The following TRIM27 variants were observed in gnomAD, a reference collection of about 807,000 sequenced individuals.
The protein encoded by TRIM27 is zinc finger protein RFP.
In TRIM27, 12 loss-of-function variants were observed where a neutral mutation model predicts 57.6. The observed-to-expected ratio is 0.21, with a 90% CI of 0.13 to 0.34. TRIM27 has a LOEUF of 0.34. TRIM27 is among the 10% of genes least tolerant of loss of function. The probability of loss-of-function intolerance (pLI) is 1.00; values close to 1 mark genes in which losing one functional copy is unlikely to be tolerated. For synonymous variants in TRIM27, 266 were observed against 259.0 expected, an observed-to-expected ratio of 1.03 and a Z score of -0.26; for missense variants, 403 against 656.8, an observed-to-expected ratio of 0.61 and a Z score of 4.22.
chr6:28,907,639 C>T, intron 6 of TRIM27: 1 of 538,960 alleles, frequency 1.9e-6, no homozygotes, highest in Non-Finnish European at 3.7e-6. Flanking sequence ...TGTACAAGAG[C>T]TGAATGGCTC....
Position 28,911,672 on chromosome 6 carries a change from C to T in TRIM27, c.770+24G>A, listed in dbSNP as rs748823949. On this transcript the variant is annotated intron_variant, in intron 4 of 7. Transcript: ENST00000377199. ...GACAGTCTTCTCATATTTGATTTAA[C>T]ACTAGGGAAACAGAAAACTATACCT... The T allele has an allele frequency of 2.5e-6, 4 of 1,608,940 alleles. No homozygotes were observed. The East Asian group carries it at 6.7e-5, about 27-fold the overall frequency.
At position 28,903,118 on chromosome 6, in the gene TRIM27, G is replaced by A. The variant is rs1772508644; in HGVS notation, c.*952C>T. 4.3e-6 allele frequency: 1 copy of A among 231,452 alleles called. No individual in the cohort carries two copies. Among genetic ancestry groups the A allele is most frequent in the African/African-American group, 2.2e-5 (1 of 45,206 alleles). 14.3% of individuals were successfully genotyped at this position (231,452 alleles called of 1,614,324 possible). Reference sequence around the variant, plus strand: ...GATCTGCCCCAGCCTTCTGACTTCAGAGTGTCTCATGATCCAATGGCCATG... The same window carrying A: ...GATCTGCCCCAGCCTTCTGACTTCAAAGTGTCTCATGATCCAATGGCCATG... On this transcript the variant is annotated 3_prime_UTR_variant, in exon 8 of 8. Transcript: ENST00000377199.
rs1554184214 is a variant in TRIM27, at chr6:28,913,269, A to ATATATATATAT, written c.748-1552_748-1551insATATATATATA. Among the ~76,000 whole-genome samples, 4 of 135,566 alleles carry ATATATATATAT rather than the reference A, an allele frequency of 3.0e-5. No individual in the cohort carries two copies. The East Asian group carries it at 6.2e-4, about 21-fold the overall frequency. 88.9% of individuals were successfully genotyped at this position (135,566 alleles called of 152,430 possible). A position where few individuals can be genotyped will look rare whatever the true frequency, so the allele number is the denominator to read the frequency against. On this transcript the variant is annotated intron_variant, in intron 3 of 7. Coordinates refer to ENST00000377199, the MANE Select transcript of TRIM27 (RefSeq NM_006510.5). ...AAACTCCATCTCAAAAAAAAAAAAA[A>ATATATATATAT]ATATATATATATATATATAATATAC...
In TRIM27 at chr6:28,923,961, T is replaced by A. The variant is rs1774284010; in HGVS notation, c.-329A>T. ...AAGCGCGCAAGACAACGTGGCCGCG[T>A]CCGAGCGGATGCCGGCGGCAGCGTA... On this transcript the variant is annotated 5_prime_UTR_variant, in exon 1 of 8. Coordinates refer to ENST00000377199, the MANE Select transcript of TRIM27 (RefSeq NM_006510.5). 5.7e-6 allele frequency: 2 copies of A among 349,742 alleles called. No individual in the cohort carries two copies. The highest frequency in any genetic ancestry group is 1.0e-5 in the Non-Finnish European group (2 of 194,924). The allele number at this position is 349,742 out of a possible 1,614,324, so 21.7% of individuals were successfully genotyped here.
intron 3 of TRIM27, among the ~76,000 whole-genome samples, chr6:28,912,974 G>GGCCAGGCGCAGTGGCTCACGCCTGTAA (rs1773318356): frequency 6.6e-6 from 1 of 151,892 alleles, no homozygotes; most frequent in African/African-American, 2.4e-5. Context: ...CTATAAAATA[G>GGCCAGGCGCAGTGGCTCACGCCTGTAA]GCCAGGCGCA....
At chr6:28,917,306 G>A (rs866285873) in intron 3 of TRIM27, among the ~76,000 whole-genome samples, 4 of 152,164 alleles carry the variant, frequency 2.6e-5, no homozygotes, top group East Asian at 3.9e-4. Flanking sequence ...GGCTGGGCAC[G>A]GTGGCTCGCA....
In TRIM27 at chr6:28,914,023, GT is replaced by G. The variant is rs796375490; in HGVS notation, c.748-2306del. On this transcript the variant is annotated intron_variant, in intron 3 of 7. Transcript: ENST00000377199. Reference sequence around the variant, plus strand: ...TTCTTTCACAGTGTAGCCTACCTATGTTTTTTTTTTTTTTTTAAGACAGAGT... The same window carrying G: ...TTCTTTCACAGTGTAGCCTACCTATGTTTTTTTTTTTTTTTAAGACAGAGT... Among the ~76,000 whole-genome samples the G allele has an allele frequency of 3.5e-3, 385 of 110,476 alleles. 1 individual carries two copies. The highest frequency in any genetic ancestry group is 6.7e-3 in the African/African-American group (194 of 28,910). 72.5% of individuals were successfully genotyped at this position (110,476 alleles called of 152,430 possible).
intron 3 of TRIM27, among the ~76,000 whole-genome samples, chr6:28,917,626 T>C (rs1413556587): frequency 6.6e-6 from 1 of 150,892 alleles, no homozygotes; most frequent in Non-Finnish European, 1.5e-5. Flanking sequence ...ATGGTTACAC[T>C]ATAAATAGAT....
Position 28,922,007 on chromosome 6 carries a change from T to A in TRIM27, c.421-20A>T. The A allele has an allele frequency of 6.3e-7, 1 of 1,584,270 alleles. No homozygotes were observed. Among genetic ancestry groups the A allele is most frequent in the Non-Finnish European group, 8.7e-7 (1 of 1,153,794 alleles). The stretch of plus-strand genomic sequence containing the variant: ...TTGCTCCTGAGAAAAGCAAAACAGA[T>A]GGGCAGTTCAAAATTAGGTAGACCT... On this transcript the variant is annotated intron_variant, in intron 1 of 7. Coordinates refer to ENST00000377199, the MANE Select transcript of TRIM27 (RefSeq NM_006510.5).
chr6:28,922,176 G>A lies in TRIM27; in HGVS notation c.421-189C>T, dbSNP rs747727819. On this transcript the variant is annotated intron_variant, in intron 1 of 7. Transcript: ENST00000377199. ...AAACAAGCCACTCCTTTGGCAATCT[G>A]TGTCTATCTTAGCAGCCTGTGGCTT... Among the ~76,000 whole-genome samples the A allele has an allele frequency of 1.8e-4, 28 of 152,298 alleles. 1 individual carries two copies. The Middle Eastern group carries it at 0.01, about 56-fold the overall frequency.
At chr6:28,914,250 T>G (rs1274508260) in intron 3 of TRIM27, among the ~76,000 whole-genome samples, 4 of 150,846 alleles carry the variant, frequency 2.7e-5, no homozygotes, top group African/African-American at 9.8e-5. Context: ...TTCTCCTGCC[T>G]CAGCCTCCCA....
At position 28,923,276 on chromosome 6, in the gene TRIM27, G is replaced by A. The variant is rs1324102111; in HGVS notation, c.357C>T (p.Asp119=). 2 of 1,610,798 alleles carry A rather than the reference G, an allele frequency of 1.2e-6. No individual in the cohort carries two copies. The highest frequency in any genetic ancestry group is 1.7e-6 in the Non-Finnish European group (2 of 1,179,126). ...TGTGGCCGCGGTGCTCGCGGGAGCG[G>A]TCGCACACCACGCAGATGGGCATCT... is the stretch of plus-strand genomic sequence containing the variant. ...EDQMPICVVC[D]RSREHRGHSV... Residue 119 remains aspartate (D), a synonymous_variant, in exon 1 of 8, where the codon GAC becomes GAT. Coordinates refer to ENST00000377199, the MANE Select transcript of TRIM27 (RefSeq NM_006510.5).
chr6:28,916,581 G>A (rs904866747), intron 3 of TRIM27, among the ~76,000 whole-genome samples: 1 of 151,430 alleles, frequency 6.6e-6, no homozygotes, highest in Non-Finnish European at 1.5e-5. Context: ...GCTAAGTGAA[G>A]AAAAAGGCTA....
In TRIM27 at chr6:28,903,212, G is replaced by A; in HGVS notation, c.*858C>T. On this transcript the variant is annotated 3_prime_UTR_variant, in exon 8 of 8. Transcript: ENST00000377199. ...ATTCCCCCTTCCCCCAAAGGAAATG[G>A]AGAAAAGGAGCCAAGAAGTCAATGA... 1 of 232,770 alleles carries A rather than the reference G, an allele frequency of 4.3e-6. No individual in the cohort carries two copies. The highest frequency in any genetic ancestry group is 8.5e-6 in the Non-Finnish European group (1 of 117,824). 14.4% of individuals were successfully genotyped at this position (232,770 alleles called of 1,614,324 possible). A position where few individuals can be genotyped will look rare whatever the true frequency, so the allele number is the denominator to read the frequency against.
At position 28,908,957 on chromosome 6, in the gene TRIM27, C is replaced by A. The variant is rs754020610; in HGVS notation, c.886+16G>T. On this transcript the variant is annotated intron_variant, in intron 5 of 7. Coordinates refer to ENST00000377199, the MANE Select transcript of TRIM27 (RefSeq NM_006510.5). ...TATAAATCCATTTCCCCTCATGACACCTCTCCTCACATTACCTGTGAACTG... is the reference window on the plus strand; with the variant it reads ...TATAAATCCATTTCCCCTCATGACAACTCTCCTCACATTACCTGTGAACTG... 2 of 1,607,068 alleles carry A rather than the reference C, an allele frequency of 1.2e-6. No homozygotes were observed. The highest frequency in any genetic ancestry group is 1.7e-6 in the Non-Finnish European group (2 of 1,174,028).
Position 28,921,961 on chromosome 6 carries a change from A to G in TRIM27, c.447T>C (p.His149=). The G allele has an allele frequency of 6.2e-7, 1 of 1,613,082 alleles. No homozygotes were observed. Among genetic ancestry groups the G allele is most frequent in the Non-Finnish European group, 8.5e-7 (1 of 1,180,024 alleles). The change falls in exon 2 of 8, where the codon CAT becomes CAC. Residue 149 remains histidine, a synonymous_variant. Coordinates refer to ENST00000377199, the MANE Select transcript of TRIM27 (RefSeq NM_006510.5). ...FKEQIQNQLD[H]LKRVKDLKKR... Reference sequence around the variant, plus strand: ...TCTTTAAATCTTTCACTCTTTTTAAATGGTCGAGCTGGTTCTGGATTTGCT... The same window carrying G: ...TCTTTAAATCTTTCACTCTTTTTAAGTGGTCGAGCTGGTTCTGGATTTGCT...
chr6:28,908,666 T>G, intron 6 of TRIM27, 142 bp downstream of exon 6: 1 of 700,810 alleles, frequency 1.4e-6, no homozygotes, highest in South Asian at 2.1e-5. Context: ...AGAAAATTAA[T>G]TAAGACCAAA....
chr6:28,907,674 G>C (rs749895682), intron 6 of TRIM27: 10 of 478,012 alleles, frequency 2.1e-5, no homozygotes, highest in Non-Finnish European at 4.2e-5. Context: ...GACACTCTGG[G>C]GTAAACATGA....
At chr6:28,914,276 A>G (rs1054018975) in intron 3 of TRIM27, among the ~76,000 whole-genome samples, 1 of 151,382 alleles carries the variant, frequency 6.6e-6, no homozygotes, top group Non-Finnish European at 1.5e-5. Flanking sequence ...CTGAGATTAC[A>G]GGCATGTGCC....
Sources: allele counts gnomAD v4.1 joint callset (sites outside exome capture counted in the v4.1 genomes callset), GRCh38; gene constraint gnomAD v4.1.1; transcripts MANE v1.5; gene names NCBI Gene and HGNC (gene_info 2026-07-23, HGNC 2026-07-21).